The following CTNNA2 variants were observed in gnomAD, a reference collection of about 807,000 sequenced individuals.
CTNNA2 encodes catenin alpha-2.
CTNNA2 carries 42 observed loss-of-function variants against 101.0 expected under a neutral mutation model. The ratio of observed to expected loss-of-function variants is 0.42; its 90% confidence interval spans 0.32 to 0.54. The LOEUF is 0.54. CTNNA2 is among the 20% of genes least tolerant of loss of function. The pLI, the probability that CTNNA2 is intolerant of heterozygous loss-of-function variation, is 0.14. For synonymous variants in CTNNA2, 450 were observed against 456.4 expected, an observed-to-expected ratio of 0.99 and a Z score of 0.18; for missense variants, 871 against 1,223.1, an observed-to-expected ratio of 0.71 and a Z score of 4.29.
chr2:79,273,538 A>C (rs1406093085), intron 2 of CTNNA2, among the ~76,000 whole-genome samples: 1 of 152,056 alleles, frequency 6.6e-6, no homozygotes, highest in African/African-American at 2.4e-5. Flanking sequence ...GATTGCTGAA[A>C]ATGTCCAATC....
intron 11 of CTNNA2, among the ~76,000 whole-genome samples, chr2:80,552,090 C>T (rs924924945): frequency 8.6e-5 from 13 of 151,962 alleles, no homozygotes; most frequent in East Asian, 5.8e-4. Flanking sequence ...GGAACACGCC[C>T]GACATTTATT....
At chr2:79,829,360 TACACACACACACACACACACAC>T (rs55934940) in intron 3 of CTNNA2, among the ~76,000 whole-genome samples, 92 of 113,202 alleles carry the variant, frequency 8.1e-4, no homozygotes, top group Middle Eastern at 9.7e-3. Context: ...CAACTAAAAC[TACACACACACACACACACACAC>T]ACACACACAC....
At chr2:79,463,040 T>A (rs917593682) in intron 4 of CTNNA2, among the ~76,000 whole-genome samples, 3 of 152,178 alleles carry the variant, frequency 2.0e-5, no homozygotes, top group Admixed American at 2.0e-4. Context: ...GGTAGATAAC[T>A]TCTCTATTCT....
chr2:79,363,857 C>A (rs1042002413), intron 3 of CTNNA2, among the ~76,000 whole-genome samples: 1 of 152,176 alleles, frequency 6.6e-6, no homozygotes, highest in Non-Finnish European at 1.5e-5. Context: ...CAATCACTCT[C>A]CTTGGGCCAG....
intron 2 of CTNNA2, among the ~76,000 whole-genome samples, chr2:79,660,517 A>C (rs13388505): frequency 0.34 from 50,930 of 151,672 alleles, 9,407 homozygotes; most frequent in East Asian, 0.75. Flanking sequence ...ATGGTTTTGT[A>C]TTTTAATATA....
chr2:79,550,682 C>G (rs969822858), intron 1 of CTNNA2, among the ~76,000 whole-genome samples: 3 of 152,174 alleles, frequency 2.0e-5, no homozygotes, highest in Admixed American at 6.5e-5. Context: ...TCTTTTTATA[C>G]CAAATACCAT....
chr2:79,282,618 T>C (rs1421484143), intron 2 of CTNNA2, among the ~76,000 whole-genome samples: 2 of 143,322 alleles, frequency 1.4e-5, no homozygotes, highest in Admixed American at 7.2e-5. Flanking sequence ...TAGTATTCTA[T>C]GGTGTATATG....
intron 3 of CTNNA2, among the ~76,000 whole-genome samples, chr2:79,780,780 A>G (rs915092737): frequency 5.3e-5 from 8 of 152,202 alleles, no homozygotes; most frequent in African/African-American, 1.9e-4. Flanking sequence ...CTACTTCATA[A>G]AATTCATGCA....
At chr2:80,301,191 A>G (rs1282368761) in intron 7 of CTNNA2, among the ~76,000 whole-genome samples, 1 of 152,096 alleles carries the variant, frequency 6.6e-6, no homozygotes, top group African/African-American at 2.4e-5. Flanking sequence ...CTCATTCCCC[A>G]TAGAAACTAG....
chr2:80,463,133 A>T (rs1415797242), intron 9 of CTNNA2, among the ~76,000 whole-genome samples: 1 of 152,114 alleles, frequency 6.6e-6, no homozygotes, highest in East Asian at 1.9e-4. Flanking sequence ...AAATCTTTTC[A>T]TACTGTGGCT....
chr2:79,198,955 C>T (rs998335137), intron 2 of CTNNA2, among the ~76,000 whole-genome samples: 3 of 152,152 alleles, frequency 2.0e-5, no homozygotes, highest in Admixed American at 1.3e-4. Flanking sequence ...AAAGAACAGA[C>T]ACATTTTTGT....
intron 7 of CTNNA2, among the ~76,000 whole-genome samples, chr2:80,289,489 T>C (rs1675051831): frequency 6.6e-6 from 1 of 152,226 alleles, no homozygotes; most frequent in Admixed American, 6.5e-5. Flanking sequence ...AGCTTCTGCT[T>C]CTAGGAGCCA....
At chr2:79,408,421 A>G (rs945710404) in intron 4 of CTNNA2, among the ~76,000 whole-genome samples, 8 of 151,082 alleles carry the variant, frequency 5.3e-5, no homozygotes, top group African/African-American at 1.9e-4. Context: ...GTCATTTAGC[A>G]TTAGGTATAT....
At chr2:79,274,355 T>G (rs770370799) in intron 2 of CTNNA2, among the ~76,000 whole-genome samples, 1 of 152,198 alleles carries the variant, frequency 6.6e-6, no homozygotes, top group Admixed American at 6.5e-5. Flanking sequence ...GGACTTTTAG[T>G]CTGAGAATTT....
intron 7 of CTNNA2, among the ~76,000 whole-genome samples, chr2:79,930,395 G>C (rs1489277207): frequency 6.6e-6 from 1 of 152,138 alleles, no homozygotes; most frequent in Non-Finnish European, 1.5e-5. Context: ...CCTCACTTCA[G>C]AGGACTCTTT....
At chr2:79,681,704 A>G (rs1683573862) in intron 2 of CTNNA2, among the ~76,000 whole-genome samples, 1 of 152,212 alleles carries the variant, frequency 6.6e-6, no homozygotes, top group South Asian at 2.1e-4. Flanking sequence ...ATGGTTCTGT[A>G]CCTTCATTTT....
At position 79,565,842 on chromosome 2, in the gene CTNNA2, C is replaced by T. The variant is rs575848090; in HGVS notation, c.-6+52635C>T. Among the ~76,000 whole-genome samples, 70 of 151,960 alleles carry T rather than the reference C, an allele frequency of 4.6e-4. 1 individual carries two copies. Among genetic ancestry groups the T allele is most frequent in the Admixed American group, 2.0e-3 (30 of 15,240 alleles). On this transcript the variant is annotated intron_variant, in intron 1 of 18. Transcript: ENST00000402739. ...TTAGAGCTCAGTGGAGAGATCTCTG[C>T]GTGTTTAGGTTTATTGATGCATAAA...
intron 7 of CTNNA2, chr2:80,299,371 C>T (rs1342795612): frequency 2.0e-5 from 3 of 152,058 alleles, no homozygotes; most frequent in East Asian, 1.9e-4. Flanking sequence ...CCCCCCACCT[C>T]CCCCCACCAA....
chr2:79,458,959 T>A (rs1008986567), intron 4 of CTNNA2, among the ~76,000 whole-genome samples: 7 of 151,940 alleles, frequency 4.6e-5, no homozygotes, highest in Admixed American at 1.3e-4. Context: ...AATATAACTA[T>A]CCTGACACTC....
Sources: gnomAD v4.1 joint callset for allele counts (sites outside exome capture counted in the v4.1 genomes callset) on GRCh38, gnomAD v4.1.1 for gene constraint, MANE v1.5 for transcripts, NCBI Gene and HGNC (gene_info 2026-07-23, HGNC 2026-07-21) for gene names.